Variants in PSG8 observed in about 807,000 individuals in gnomAD.
PSG8 encodes the protein pregnancy-specific beta-1-glycoprotein 8.
PSG8 carries 57 observed loss-of-function variants against 42.5 expected under a neutral mutation model. The ratio of observed to expected loss-of-function variants is 1.34; its 90% CI spans 1.08 to 1.67. The LOEUF is 1.67. PSG8 is among the 40% of genes most tolerant of loss of function. PSG8 has a pLI of 0.00. For synonymous variants in PSG8, 280 were observed against 196.8 expected (o/e 1.42, Z -3.54); for missense variants, 783 against 518.6 (o/e 1.51, Z -4.95).
At chr19:42,754,142 G>A (rs1453313464), downstream of PSG8, 2 of 1,406,372 alleles carry the variant, frequency 1.4e-6, no homozygotes, top group Non-Finnish European at 1.9e-6. Flanking sequence ...GGAATTTTAT[G>A]AAGATATCAG....
rs192797197 is a variant in PSG8, at chr19:42,764,395, C to T, written c.65-114G>A. 2.4e-3 allele frequency: 3,512 copies of T among 1,475,584 alleles called. 24 individuals carry two copies. The highest frequency in any genetic ancestry group is 2.8e-3 in the Non-Finnish European group (3,099 of 1,095,868). 91.4% of individuals were successfully genotyped at this position (1,475,584 alleles called of 1,614,324 possible). ...GTCCTCAGCCTTGAAGACACAGACA[C>T]ACACACATACAAACACACGCACACA... On this transcript the variant is annotated intron_variant, in intron 1 of 4. Coordinates refer to ENST00000306511, the MANE Select transcript of PSG8 (RefSeq NM_182707.3).
intron 2 of PSG8, among the ~76,000 whole-genome samples, chr19:42,761,558 T>C (rs1212080021): frequency 1.3e-5 from 2 of 152,152 alleles, no homozygotes; most frequent in Admixed American, 1.3e-4. Flanking sequence ...TACCTATGAC[T>C]AATGGCTCAG....
At chr19:42,759,811 T>C (rs1039798008) in intron 2 of PSG8, among the ~76,000 whole-genome samples, 6 of 152,198 alleles carry the variant, frequency 3.9e-5, no homozygotes, top group Non-Finnish European at 8.8e-5. Flanking sequence ...CAATTGCTGG[T>C]AGTAGTATTT....
At chr19:42,759,671 T>G (rs1360399145) in intron 2 of PSG8, among the ~76,000 whole-genome samples, 2 of 152,140 alleles carry the variant, frequency 1.3e-5, no homozygotes, top group Non-Finnish European at 2.9e-5. Context: ...ACTGTAATTT[T>G]CCCATAAAAA....
In PSG8 at chr19:42,764,889, C is replaced by G. The variant is rs1600424177; in HGVS notation, c.65-608G>C. Among the ~76,000 whole-genome samples, 3 of 151,866 alleles carry G rather than the reference C, an allele frequency of 2.0e-5. No individual in the cohort carries two copies. In the South Asian group the frequency reaches 6.2e-4, roughly 32 times the overall value. ...TCCACGCCCTTGGTGTTTTTTTTTC[C>G]CCCCAATTGTTGAGGTTTCTTGCTG... On this transcript the variant is annotated intron_variant, in intron 1 of 4. Coordinates refer to ENST00000306511, the MANE Select transcript of PSG8 (RefSeq NM_182707.3).
At chr19:42,761,185 T>G (rs1347038477) in intron 2 of PSG8, among the ~76,000 whole-genome samples, 2 of 152,216 alleles carry the variant, frequency 1.3e-5, no homozygotes, top group African/African-American at 4.8e-5. Flanking sequence ...TCAGGCTGGC[T>G]GTCCTCACTC....
At chr19:42,760,306 C>T (rs182502087) in intron 2 of PSG8, among the ~76,000 whole-genome samples, 196 of 152,268 alleles carry the variant, frequency 1.3e-3, no homozygotes, top group Admixed American at 2.6e-3. Flanking sequence ...ACCCACCTGG[C>T]CACCTCCAAC....
intron 4 of PSG8, 155 bp from the exon 5 acceptor site, chr19:42,754,742 T>C: frequency 7.6e-7 from 1 of 1,308,040 alleles, no homozygotes; most frequent in Non-Finnish European, 1.0e-6. Flanking sequence ...CCTCAGGTAT[T>C]CACCTGTTTC....
chr19:42,765,558 G>T lies in PSG8; in HGVS notation c.24C>A (p.Pro8=), dbSNP rs1240231787. 3 of 1,611,316 alleles carry T rather than the reference G, an allele frequency of 1.9e-6. No individual in the cohort carries two copies. The South Asian group carries it at 3.3e-5, about 18-fold the overall frequency. ...CCTTCCAGGTGATGCGCTGTGTGCAGGGAGGGGCTGAGAGGAGCCCCATGG... is the reference window on the plus strand; with the variant it reads ...CCTTCCAGGTGATGCGCTGTGTGCATGGAGGGGCTGAGAGGAGCCCCATGG... MGLLSAP[P]CTQRITWKGL... Residue 8 remains proline, a synonymous_variant, in exon 1 of 5, where the codon CCC becomes CCA. Coordinates refer to ENST00000306511, the MANE Select transcript of PSG8 (RefSeq NM_182707.3).
chr19:42,755,600 C>A, intron 3 of PSG8: 1 of 431,524 alleles, frequency 2.3e-6, no homozygotes. Flanking sequence ...CCCTGGGTTC[C>A]TTACCTGGAA....
intron 3 of PSG8, among the ~76,000 whole-genome samples, chr19:42,757,673 C>T (rs1600410371): frequency 6.6e-6 from 1 of 152,142 alleles, no homozygotes; most frequent in South Asian, 2.1e-4. Context: ...GCACCACAAT[C>T]ACAGTGACCC....
intron 2 of PSG8, among the ~76,000 whole-genome samples, chr19:42,761,836 T>TA (rs1970083309): frequency 7.4e-6 from 1 of 135,476 alleles, no homozygotes; most frequent in Non-Finnish European, 1.6e-5. Context: ...TTTTTTTTTT[T>TA]TTTTTTTTTT....
At chr19:42,753,712 C>T (rs1002240726), downstream of PSG8, among the ~76,000 whole-genome samples, 4 of 152,162 alleles carry the variant, frequency 2.6e-5, no homozygotes, top group African/African-American at 9.7e-5. Context: ...TCAGACTTTG[C>T]CTGCAGTTCA....
rs58868359 is a variant in PSG8 at position 42,761,820 on chromosome 19, A to ATTTTTTTTTTTTTTTTTTTTTTT, written c.430+2073_430+2095dup. 3.3e-4 allele frequency among the ~76,000 whole-genome samples: 23 copies of ATTTTTTTTTTTTTTTTTTTTTTT among 70,400 alleles called. 1 individual carries two copies. The highest frequency in any genetic ancestry group is 1.0e-3 in the East Asian group (2 of 1,930). The allele number at this position is 70,400 out of a possible 152,430, so 46.2% of individuals were successfully genotyped here. On this transcript the variant is annotated intron_variant, in intron 2 of 4. Transcript: ENST00000306511. ...TTGACTAGAAACCAACATTTCAATA[A>ATTTTTTTTTTTTTTTTTTTTTTT]TTTTTTTTTTTTTTTTTTTTTTTTT... is the stretch of plus-strand genomic sequence containing the variant.
rs1203262345 is a variant in PSG8 at position 42,754,849 on chromosome 19, G to A, written c.988+139C>T. The stretch of plus-strand genomic sequence containing the variant: ...GCTGTGCCTACCCAGGTTTTCCCAG[G>A]GCAGGGAGTCATGGCCAGCTCGGAT... On this transcript the variant is annotated intron_variant, in intron 4 of 4. Coordinates refer to ENST00000306511, the MANE Select transcript of PSG8 (RefSeq NM_182707.3). The A allele has an allele frequency of 2.6e-5, 39 of 1,523,326 alleles. No individual in the cohort carries two copies. The Admixed American group carries it at 6.4e-4, about 25-fold the overall frequency. 94.4% of individuals were successfully genotyped at this position (1,523,326 alleles called of 1,614,324 possible).
chr19:42,752,800 G>C (rs960063849), downstream of PSG8: 1 of 181,270 alleles, frequency 5.5e-6, no homozygotes, highest in African/African-American at 2.4e-5. Flanking sequence ...CATTTAAAGG[G>C]GACTCTATTA....
chr19:42,754,218 T>A, downstream of PSG8: 17 of 1,574,096 alleles, frequency 1.1e-5, no homozygotes, highest in Non-Finnish European at 1.5e-5. Context: ...AATTTGGGAT[T>A]TGCTTGTGCC....
At chr19:42,761,589 T>C (rs1371846164) in intron 2 of PSG8, among the ~76,000 whole-genome samples, 1 of 152,112 alleles carries the variant, frequency 6.6e-6, no homozygotes, top group African/African-American at 2.4e-5. Context: ...GGTCCCTACC[T>C]AGAGTCAGAT....
chr19:42,761,396 A>G (rs1173665979), intron 2 of PSG8, among the ~76,000 whole-genome samples: 1 of 152,186 alleles, frequency 6.6e-6, no homozygotes, highest in African/African-American at 2.4e-5. Flanking sequence ...CAGTTTCTAT[A>G]ATCCCTGACT....
Sources: allele counts gnomAD v4.1 joint callset (sites outside exome capture counted in the v4.1 genomes callset), GRCh38; gene constraint gnomAD v4.1.1; transcripts MANE v1.5; gene names NCBI Gene and HGNC (gene_info 2026-07-23, HGNC 2026-07-21).